Variants in ATP10D observed in about 807,000 individuals in gnomAD.
The protein encoded by ATP10D is phospholipid-transporting ATPase VD.
A neutral mutation model predicts 144.8 loss-of-function variants in ATP10D; 89 were observed. That is an observed-to-expected ratio of 0.61 (90% CI 0.52 to 0.73). The LOEUF is 0.73. Among genes scored for constraint, ATP10D ranks in the 30% least tolerant of loss-of-function variants. The probability of loss-of-function intolerance (pLI) is 0.00; values close to 1 mark genes in which losing one functional copy is unlikely to be tolerated. For synonymous variants in ATP10D, 571 were observed against 615.1 expected, an observed-to-expected ratio of 0.93 and a Z score of 1.06; for missense variants, 1,603 against 1,714.8, an observed-to-expected ratio of 0.93 and a Z score of 1.15.
intron 9 of ATP10D, among the ~76,000 whole-genome samples, chr4:47,541,090 C>T (rs1187643139): frequency 1.3e-5 from 2 of 152,106 alleles, no homozygotes; most frequent in Non-Finnish European, 2.9e-5. Context: ...TTTCTCTGTG[C>T]CTCAATAAAA....
intron 15 of ATP10D, among the ~76,000 whole-genome samples, chr4:47,564,055 C>G (rs1194250511): frequency 1.3e-5 from 2 of 152,148 alleles, no homozygotes; most frequent in African/African-American, 4.8e-5. Context: ...CCACGCCTGG[C>G]TAATTTTTGT....
intron 1 of ATP10D, chr4:47,491,516 C>G: frequency 1.8e-6 from 1 of 562,382 alleles, no homozygotes; most frequent in South Asian, 1.8e-5. Context: ...GCAAATAAAT[C>G]TTATAAATGT....
chr4:47,514,053 A>C (rs1490054328), intron 2 of ATP10D, among the ~76,000 whole-genome samples: 1 of 152,252 alleles, frequency 6.6e-6, no homozygotes, highest in Non-Finnish European at 1.5e-5. Flanking sequence ...GTACTAACAG[A>C]AAAATGAAAA....
intron 17 of ATP10D, 125 bp from the exon 18 acceptor site, chr4:47,572,747 G>T (rs1342676430): frequency 8.0e-7 from 1 of 1,245,094 alleles, no homozygotes; most frequent in Non-Finnish European, 1.1e-6. Context: ...TTTCATTCAT[G>T]TATGGAACAA....
At chr4:47,580,337 T>G in intron 19 of ATP10D, 61 bp from the exon 20 acceptor site, 1 of 1,306,762 alleles carries the variant, frequency 7.7e-7, no homozygotes, top group Non-Finnish European at 1.1e-6. Flanking sequence ...TGGCTTGTGT[T>G]GTTTCTTTTC....
chr4:47,517,024 G>C (rs939425545), intron 3 of ATP10D, among the ~76,000 whole-genome samples: 1 of 152,158 alleles, frequency 6.6e-6, no homozygotes, highest in African/African-American at 2.4e-5. Context: ...ACAAAGTCCA[G>C]AATTTGGCCA....
intron 22 of ATP10D, among the ~76,000 whole-genome samples, chr4:47,587,424 T>G (rs1227093431): frequency 2.6e-5 from 4 of 152,196 alleles, no homozygotes. Context: ...TGAAAAAGTT[T>G]ATCTGGTTGA....
rs182467638 is a variant in ATP10D at position 47,495,158 on chromosome 4, A to G, written c.-38+9639A>G. 2.2e-3 allele frequency among the ~76,000 whole-genome samples: 330 copies of G among 152,338 alleles called. 5 individuals are homozygous for G. Among genetic ancestry groups the G allele is most frequent in the East Asian group, 5.8e-4 (3 of 5,194 alleles). On this transcript the variant is annotated intron_variant, in intron 1 of 22. Coordinates refer to ENST00000273859, the MANE Select transcript of ATP10D (RefSeq NM_020453.4). ...ATACACTAAACTATGTTGAACTTAC[A>G]TGTCAAGAAACTTATATACTAAGTT...
intron 5 of ATP10D, among the ~76,000 whole-genome samples, chr4:47,529,388 A>T (rs1224007170): frequency 6.6e-6 from 1 of 152,144 alleles, no homozygotes; most frequent in Non-Finnish European, 1.5e-5. Flanking sequence ...CCATTTATTG[A>T]GTAGGGTGTC....
At chr4:47,568,305 ATAGT>A (rs546524964) in intron 15 of ATP10D, among the ~76,000 whole-genome samples, 20 of 152,374 alleles carry the variant, frequency 1.3e-4, no homozygotes, top group African/African-American at 3.6e-4. Flanking sequence ...TTCTCATTAA[ATAGT>A]TAGTGAGTGA....
chr4:47,497,637 A>T (rs2109386783), intron 1 of ATP10D, among the ~76,000 whole-genome samples: 1 of 152,318 alleles, frequency 6.6e-6, no homozygotes, highest in East Asian at 1.9e-4. Flanking sequence ...TCTGGCAAAC[A>T]TAATAATATT....
chr4:47,574,728 G>A (rs2109467085), intron 18 of ATP10D, among the ~76,000 whole-genome samples: 2 of 152,094 alleles, frequency 1.3e-5, no homozygotes, highest in Middle Eastern at 6.8e-3. Flanking sequence ...TTGTCCTGAG[G>A]TTCTAGTGTA....
chr4:47,566,986 A>G (rs1366903108), intron 15 of ATP10D, among the ~76,000 whole-genome samples: 1 of 152,168 alleles, frequency 6.6e-6, no homozygotes, highest in Non-Finnish European at 1.5e-5. Flanking sequence ...TTTAAACAGC[A>G]AAATCACTGA....
At chr4:47,496,878 A>G (rs184225182) in intron 1 of ATP10D, among the ~76,000 whole-genome samples, 1 of 151,950 alleles carries the variant, frequency 6.6e-6, no homozygotes, top group Admixed American at 6.6e-5. Context: ...GTTTCACTCT[A>G]CTGCCCAGGC....
intron 1 of ATP10D, among the ~76,000 whole-genome samples, chr4:47,506,922 A>G (rs1716047158): frequency 6.6e-6 from 1 of 152,156 alleles, no homozygotes; most frequent in African/African-American, 2.4e-5. Context: ...GCTGCCCATC[A>G]TGTTCTTTAT....
intron 15 of ATP10D, 80 bp downstream of exon 15, chr4:47,563,845 T>A (rs1006373209): frequency 1.3e-5 from 15 of 1,182,618 alleles, no homozygotes; most frequent in Non-Finnish European, 1.7e-5. Flanking sequence ...ATGCAAGGAT[T>A]AAAAAAAAAA....
chr4:47,570,069 A>G (rs1051854348), intron 16 of ATP10D, among the ~76,000 whole-genome samples: 1 of 152,230 alleles, frequency 6.6e-6, no homozygotes, highest in East Asian at 1.9e-4. Context: ...GATTTGCCTT[A>G]AATTTAAAAT....
chr4:47,529,630 T>G (rs1717456609), intron 5 of ATP10D, among the ~76,000 whole-genome samples: 1 of 152,166 alleles, frequency 6.6e-6, no homozygotes, highest in South Asian at 2.1e-4. Context: ...TTGTGACTTT[T>G]TTTTGGTTCC....
intron 14 of ATP10D, among the ~76,000 whole-genome samples, chr4:47,562,827 GATATA>G (rs1273874854): frequency 4.0e-5 from 6 of 149,182 alleles, no homozygotes; most frequent in Non-Finnish European, 7.5e-5. Context: ...AAGAAAATGT[GATATA>G]ATATATATAT....
Sources: gnomAD v4.1 joint callset for allele counts (sites outside exome capture counted in the v4.1 genomes callset) on GRCh38, gnomAD v4.1.1 for gene constraint, MANE v1.5 for transcripts, NCBI Gene and HGNC (gene_info 2026-07-23, HGNC 2026-07-21) for gene names.